Variants in PRKG1 observed in about 807,000 individuals in gnomAD.
The protein encoded by PRKG1 is protein kinase cGMP-dependent 1, also known as cGMP-dependent protein kinase 1.
Under a neutral mutation model 88.1 loss-of-function variants are expected in PRKG1, and 35 were observed. The observed-to-expected ratio is 0.40, with a 90% confidence interval of 0.30 to 0.53. The LOEUF (loss-of-function observed/expected upper bound fraction) is 0.53, where lower values mean the gene tolerates loss of function less well. Among genes scored for constraint, PRKG1 ranks in the 20% least tolerant of loss-of-function variants. PRKG1 has a pLI of 0.59. For synonymous variants in PRKG1, 303 were observed against 292.5 expected, an observed-to-expected ratio of 1.04 and a Z score of -0.37; for missense variants, 540 against 839.8, an observed-to-expected ratio of 0.64 and a Z score of 4.41.
intron 5 of PRKG1, among the ~76,000 whole-genome samples, chr10:51,929,592 C>T (rs1842647356): frequency 6.6e-6 from 1 of 152,238 alleles, no homozygotes; most frequent in African/African-American, 2.4e-5. Context: ...CTCAAGTGAT[C>T]TGCCTGCCTC....
chr10:51,778,627 A>C (rs1838504148), intron 3 of PRKG1, among the ~76,000 whole-genome samples: 1 of 152,224 alleles, frequency 6.6e-6, no homozygotes, highest in East Asian at 1.9e-4. Flanking sequence ...GGTGAGTGAT[A>C]TAAGACTGGA....
At chr10:51,432,875 T>C (rs1222467666) in intron 2 of PRKG1, among the ~76,000 whole-genome samples, 2 of 152,094 alleles carry the variant, frequency 1.3e-5, no homozygotes, top group Non-Finnish European at 2.9e-5. Context: ...GGATGCACAA[T>C]ATCTTGCTGG....
chr10:52,043,599 CAGTT>C (rs1316863522), intron 5 of PRKG1, among the ~76,000 whole-genome samples: 12 of 151,844 alleles, frequency 7.9e-5, no homozygotes, highest in Non-Finnish European at 7.4e-5. Flanking sequence ...TACAAAGTGA[CAGTT>C]AGAGAGGAAA....
chr10:51,549,115 C>CTTTTTTTTTTTTTT (rs1842514509), intron 3 of PRKG1, among the ~76,000 whole-genome samples: 1 of 79,306 alleles, frequency 1.3e-5, no homozygotes, highest in African/African-American at 4.7e-5. Flanking sequence ...TCTTTCTTTT[C>CTTTTTTTTTTTTTT]TTTTCTTTTT....
At chr10:51,859,730 T>C (rs543376621) in intron 4 of PRKG1, among the ~76,000 whole-genome samples, 29 of 152,250 alleles carry the variant, frequency 1.9e-4, no homozygotes, top group African/African-American at 6.3e-4. Context: ...TTTCTCAAGG[T>C]CCATTAAAAA....
At chr10:51,527,950 T>G (rs932950147) in intron 3 of PRKG1, among the ~76,000 whole-genome samples, 3 of 152,212 alleles carry the variant, frequency 2.0e-5, no homozygotes, top group African/African-American at 4.8e-5. Flanking sequence ...CTTGAAGAGT[T>G]TATGATTCAG....
rs551097673 is a variant in PRKG1 at position 51,329,743 on chromosome 10, T to A, written c.479-137980T>A. ...GTTTTTTGTTTTTTTGTTTGTTTGT[T>A]TGTTAGTTTTAACAATTTAAGTATG... On this transcript the variant is annotated intron_variant, in intron 2 of 17. Transcript: ENST00000373980. Among the ~76,000 whole-genome samples the A allele has an allele frequency of 1.4e-4, 22 of 152,278 alleles. No homozygotes were observed. The South Asian group carries it at 3.9e-3, about 27-fold the overall frequency.
At chr10:51,408,765 C>T (rs988320165) in intron 2 of PRKG1, among the ~76,000 whole-genome samples, 1 of 152,192 alleles carries the variant, frequency 6.6e-6, no homozygotes, top group Non-Finnish European at 1.5e-5. Flanking sequence ...GCCCATTAGG[C>T]GATGACAGGG....
At chr10:52,138,267 C>T (rs533437905) in intron 8 of PRKG1, among the ~76,000 whole-genome samples, 1 of 152,104 alleles carries the variant, frequency 6.6e-6, no homozygotes, top group African/African-American at 2.4e-5. Flanking sequence ...TGGCAAAAAC[C>T]GGGACTATTG....
At chr10:51,770,107 G>A (rs920731091) in intron 3 of PRKG1, among the ~76,000 whole-genome samples, 1 of 152,152 alleles carries the variant, frequency 6.6e-6, no homozygotes, top group African/African-American at 2.4e-5. Context: ...CTAACTTCCT[G>A]AACCAAAAAA....
intron 1 of PRKG1, among the ~76,000 whole-genome samples, chr10:51,054,792 C>T (rs1199530701): frequency 6.6e-6 from 1 of 152,086 alleles, no homozygotes; most frequent in East Asian, 1.9e-4. Context: ...GATTATATGA[C>T]CTTGGGCAAG....
intron 2 of PRKG1, among the ~76,000 whole-genome samples, chr10:51,229,860 G>A (rs1440976315): frequency 2.7e-5 from 4 of 149,602 alleles, no homozygotes; most frequent in Non-Finnish European, 5.9e-5. Context: ...CCAGGAAGTC[G>A]AGGCTGCAGT....
intron 2 of PRKG1, among the ~76,000 whole-genome samples, chr10:51,171,826 G>A (rs1837033926): frequency 6.6e-6 from 1 of 151,988 alleles, no homozygotes; most frequent in East Asian, 1.9e-4. Flanking sequence ...CCAGCACACA[G>A]CACATGTTCA....
At chr10:52,227,984 T>G (rs558766303) in intron 9 of PRKG1, among the ~76,000 whole-genome samples, 2 of 152,310 alleles carry the variant, frequency 1.3e-5, no homozygotes, top group African/African-American at 4.8e-5. Flanking sequence ...ATGCCATAGC[T>G]TTAATGTCTG....
At chr10:51,248,803 CA>C (rs139015712) in intron 2 of PRKG1, among the ~76,000 whole-genome samples, 27 of 149,046 alleles carry the variant, frequency 1.8e-4, no homozygotes, top group East Asian at 9.8e-4. Flanking sequence ...ATAGAAATTA[CA>C]AAAAAAAACA....
rs368787724 is a variant in PRKG1, at chr10:52,242,824, A to T, written c.1077-8746A>T. On this transcript the variant is annotated intron_variant, in intron 9 of 17. Transcript: ENST00000373980. ...GGCAGGAGACTCACTTGAACCCAGG[A>T]GGTAGAGGTTACAGTGAGTCCAGAT... Among the ~76,000 whole-genome samples, 56 of 152,164 alleles carry T rather than the reference A, an allele frequency of 3.7e-4. No homozygotes were observed. The East Asian group carries it at 7.2e-3, about 19-fold the overall frequency.
At chr10:51,781,956 A>AC (rs1838601284) in intron 3 of PRKG1, among the ~76,000 whole-genome samples, 2 of 151,578 alleles carry the variant, frequency 1.3e-5, no homozygotes, top group Non-Finnish European at 2.9e-5. Flanking sequence ...CATTGTATTT[A>AC]GTTCAGTATT....
At chr10:51,001,261 G>T (rs982882714) in intron 1 of PRKG1, among the ~76,000 whole-genome samples, 1 of 152,180 alleles carries the variant, frequency 6.6e-6, no homozygotes, top group Non-Finnish European at 1.5e-5. Context: ...TGTCTCCACA[G>T]CGAGGCCTCT....
intron 5 of PRKG1, among the ~76,000 whole-genome samples, chr10:51,996,314 CAAAAAAAAA>C (rs59174399): frequency 5.0e-4 from 15 of 30,024 alleles, no homozygotes; most frequent in East Asian, 3.1e-3. Flanking sequence ...GACTCCATCT[CAAAAAAAAA>C]AAAAAAAAAA....
Sources: gnomAD v4.1 joint callset for allele counts (sites outside exome capture counted in the v4.1 genomes callset) on GRCh38, gnomAD v4.1.1 for gene constraint, MANE v1.5 for transcripts, NCBI Gene and HGNC (gene_info 2026-07-23, HGNC 2026-07-21) for gene names.